GPR161: variants seen among roughly 807,000 people sequenced by gnomAD.
GPR161 encodes the protein G-protein coupled receptor RE2.
Under a neutral mutation model 39.2 loss-of-function variants are expected in GPR161, and 25 were observed. That is an observed-to-expected ratio of 0.64 (90% CI 0.47 to 0.89). GPR161 has a LOEUF of 0.89. Among genes scored for constraint, GPR161 ranks in the 40% least tolerant of loss-of-function variants. GPR161 has a pLI of 0.00. For missense variants in GPR161, 547 were observed against 677.8 expected (o/e 0.81, Z 2.14); for synonymous variants, 286 against 276.6 (o/e 1.03, Z -0.34).
intron 2 of GPR161, among the ~76,000 whole-genome samples, chr1:168,103,699 C>T (rs769146770): frequency 7.2e-5 from 11 of 152,208 alleles, no homozygotes; most frequent in Admixed American, 7.2e-4. Context: ...CTCCCCAATT[C>T]CTGGTAAATG....
chr1:168,090,436 A>AC (rs1428792600), intron 4 of GPR161, 128 bp downstream of exon 4: 5 of 555,164 alleles, frequency 9.0e-6, no homozygotes, highest in Non-Finnish European at 1.3e-5. Context: ...TATGATTCTC[A>AC]CCCCCCACCC....
At chr1:168,136,695 C>A in intron 1 of GPR161, 44 bp downstream of exon 1, 1 of 1,087,650 alleles carries the variant, frequency 9.2e-7, no homozygotes, top group Non-Finnish European at 1.1e-6. Context: ...CCGGACCGCC[C>A]TCTCCGCCCG....
At chr1:168,136,328 G>A in intron 1 of GPR161, 1 of 1,485,590 alleles carries the variant, frequency 6.7e-7, no homozygotes, top group Non-Finnish European at 8.9e-7. Flanking sequence ...GCGGGACGTG[G>A]AGTCTCTTGG....
At chr1:168,136,168 C>A (rs1409040776) in intron 1 of GPR161, 4 of 1,268,566 alleles carry the variant, frequency 3.2e-6, no homozygotes, top group African/African-American at 1.5e-5. Context: ...CATCCGGCGG[C>A]GCCGGGCCAC....
At chr1:168,136,207 A>G in intron 1 of GPR161, 8 of 1,277,388 alleles carry the variant, frequency 6.3e-6, no homozygotes, top group Non-Finnish European at 7.9e-6. Context: ...CCGCCCGCCC[A>G]GGCTCGGGGA....
rs1572402778 is a variant in GPR161, at chr1:168,135,059, C to A, written c.-45+1680G>T. 3 of 1,494,736 alleles carry A rather than the reference C, an allele frequency of 2.0e-6. No homozygotes were observed. In the Admixed American group the frequency reaches 6.2e-5, roughly 31 times the overall value. 92.6% of individuals were successfully genotyped at this position (1,494,736 alleles called of 1,614,324 possible). Reference sequence around the variant, plus strand: ...AGGCTGCAACACAAAGAGAACGGTTCGGATATCGTTGCGGCCTTGGATTAG... The same window carrying A: ...AGGCTGCAACACAAAGAGAACGGTTAGGATATCGTTGCGGCCTTGGATTAG... On this transcript the variant is annotated intron_variant, in intron 1 of 5. Transcript: ENST00000682931.
chr1:168,116,313 T>G (rs1257749515), intron 1 of GPR161, among the ~76,000 whole-genome samples: 1 of 152,164 alleles, frequency 6.6e-6, no homozygotes, highest in Non-Finnish European at 1.5e-5. Flanking sequence ...ACATAAGCTG[T>G]TCAAATAAAT....
At chr1:168,123,315 A>G (rs1698326666) in intron 1 of GPR161, among the ~76,000 whole-genome samples, 1 of 152,106 alleles carries the variant, frequency 6.6e-6, no homozygotes, top group African/African-American at 2.4e-5. Context: ...AGAATTAGTC[A>G]GGCATGGTAA....
At chr1:168,137,612 CG>C (rs1392985409), upstream of GPR161, 6 of 593,630 alleles carry the variant, frequency 1.0e-5, no homozygotes, top group Non-Finnish European at 9.0e-6. Flanking sequence ...GCTCGGGGGA[CG>C]GAACAGTTCC....
chr1:168,137,239 C>A, upstream of GPR161: 2 of 1,476,010 alleles, frequency 1.4e-6, no homozygotes, highest in Admixed American at 2.2e-5. Flanking sequence ...TCCCGTTCCT[C>A]CGCCCCAGTT....
At chr1:168,133,407 T>A (rs1440911474) in intron 1 of GPR161, among the ~76,000 whole-genome samples, 1 of 152,128 alleles carries the variant, frequency 6.6e-6, no homozygotes, top group Non-Finnish European at 1.5e-5. Context: ...TGTACACAGA[T>A]AAAGATACAC....
upstream of GPR161, chr1:168,137,015 G>T: frequency 5.0e-6 from 1 of 200,768 alleles, no homozygotes; most frequent in Non-Finnish European, 6.3e-6. Flanking sequence ...CCGCCTCCCC[G>T]CGCCCCGCAC....
rs752744907 is a variant in GPR161, at chr1:168,096,903, T to C, written c.704A>G (p.Gln235Arg). ...GTVVIVEEDA[Q>R]RTGRKNSSTS... ...GCTGGAGTTCTTCCTCCCGGTCCTC[T>C]GAGCATCCTCCTCCACGATGACGAC... is the stretch of plus-strand genomic sequence containing the variant. The change falls in exon 3 of 6, where the codon CAG (glutamine) becomes CGG (arginine). Residue 235 changes from glutamine to arginine, a missense_variant. Coordinates refer to ENST00000682931, the MANE Select transcript of GPR161 (RefSeq NM_001375883.1). 27 of 1,614,154 alleles carry C rather than the reference T, an allele frequency of 1.7e-5. 1 individual carries two copies. The South Asian group carries it at 2.7e-4, about 16-fold the overall frequency.
At chr1:168,113,285 C>T (rs1015719430) in intron 1 of GPR161, among the ~76,000 whole-genome samples, 12 of 152,162 alleles carry the variant, frequency 7.9e-5, no homozygotes, top group African/African-American at 2.9e-4. Flanking sequence ...TCACCTTGCA[C>T]TGCTTCTCCG....
intron 1 of GPR161, among the ~76,000 whole-genome samples, chr1:168,112,887 G>A (rs1697337567): frequency 6.6e-6 from 1 of 152,178 alleles, no homozygotes; most frequent in African/African-American, 2.4e-5. Context: ...GCGAATCAGA[G>A]AGCCCAGAGT....
At position 168,085,078 on chromosome 1, in the gene GPR161, C is replaced by T. The variant is rs1694352232; in HGVS notation, c.*453G>A. ...GTGTCATTAGGAAGAAGTGCTGTGT[C>T]ATCCTTCACAGTACACTGGGGAGGG... On this transcript the variant is annotated 3_prime_UTR_variant, in exon 6 of 6. Transcript: ENST00000682931. 2 of 457,122 alleles carry T rather than the reference C, an allele frequency of 4.4e-6. No individual in the cohort carries two copies. The highest frequency in any genetic ancestry group is 3.1e-5 in the South Asian group (2 of 64,572). The allele number at this position is 457,122 out of a possible 1,614,324, so 28.3% of individuals were successfully genotyped here.
rs773910892 is a variant in GPR161 at position 168,096,948 on chromosome 1, C to T, written c.659G>A (p.Arg220His). The change falls in exon 3 of 6, where the codon CGC becomes CAC. Residue 220 changes from arginine to histidine, a missense_variant. Physicochemically the swap from Arg to His is conservative, Grantham distance 29. Coordinates refer to ENST00000682931, the MANE Select transcript of GPR161 (RefSeq NM_001375883.1). ...GACGACTGTGCCACAGTGCACCTTGCGTGCCTTGACCCTGGCCACGCGGAA... is the reference window on the plus strand; with the variant it reads ...GACGACTGTGCCACAGTGCACCTTGTGTGCCTTGACCCTGGCCACGCGGAA... ...FIFRVARVKA[R>H]KVHCGTVVIV... is the part of the protein sequence containing the mutation. 15 of 1,614,022 alleles carry T rather than the reference C, an allele frequency of 9.3e-6. No individual in the cohort carries two copies. Among genetic ancestry groups the T allele is most frequent in the South Asian group, 3.3e-5 (3 of 91,084 alleles).
At chr1:168,085,884 C>T (rs541472116) in intron 5 of GPR161, 88 bp from the exon 6 acceptor site, 21 of 1,221,372 alleles carry the variant, frequency 1.7e-5, no homozygotes, top group Middle Eastern at 2.4e-4. Context: ...TCCACCACCC[C>T]GGGGAGGGAG....
Position 168,097,057 on chromosome 1 carries a change from G to A in GPR161, c.550C>T (p.Arg184Trp), listed in dbSNP as rs1306019071. 7 of 1,613,992 alleles carry A rather than the reference G, an allele frequency of 4.3e-6. No homozygotes were observed. Among genetic ancestry groups the A allele is most frequent in the East Asian group, 2.2e-5 (1 of 44,870 alleles). ...CAGAAGGCCGTGTAGCCAGGCTCCCGGTGCCAAGCAGCCACACACATCCAT... is the reference window on the plus strand; with the variant it reads ...CAGAAGGCCGTGTAGCCAGGCTCCCAGTGCCAAGCAGCCACACACATCCAT... ...FKWMCVAAWH[R>W]EPGYTAFWQI... Residue 184 changes from arginine to tryptophan, a missense_variant, in exon 3 of 6, where the codon CGG becomes TGG. Coordinates refer to ENST00000682931, the MANE Select transcript of GPR161 (RefSeq NM_001375883.1).
Sources: allele counts gnomAD v4.1 joint callset (sites outside exome capture counted in the v4.1 genomes callset), GRCh38; gene constraint gnomAD v4.1.1; transcripts MANE v1.5; gene names NCBI Gene and HGNC (gene_info 2026-07-23, HGNC 2026-07-21).